The following FBXL20 variants were observed in gnomAD, a reference collection of about 807,000 sequenced individuals.
The protein encoded by FBXL20 is F-box and leucine rich repeat protein 20.
A neutral mutation model predicts 64.0 loss-of-function variants in FBXL20; 11 were observed. That is an observed-to-expected ratio of 0.17 (90% CI 0.11 to 0.28). The LOEUF (loss-of-function observed/expected upper bound fraction) is 0.28. FBXL20 is among the 10% of genes least tolerant of loss of function. The pLI is 1.00. For synonymous variants in FBXL20, 184 were observed against 189.0 expected (o/e 0.97, Z 0.22); for missense variants, 303 against 526.2 (o/e 0.58, Z 4.15).
intron 1 of FBXL20, among the ~76,000 whole-genome samples, chr17:39,363,422 G>A (rs1406532957): frequency 6.6e-6 from 1 of 152,088 alleles, no homozygotes; most frequent in African/African-American, 2.4e-5. Flanking sequence ...CTCCCAAAGT[G>A]CTAAGATTAC....
intron 1 of FBXL20, among the ~76,000 whole-genome samples, chr17:39,344,526 T>TG (rs2047613916): frequency 6.6e-6 from 1 of 151,874 alleles, no homozygotes; most frequent in Non-Finnish European, 1.5e-5. Context: ...TGGCTCACAC[T>TG]TGTAATCCCA....
In FBXL20 at chr17:39,401,580, G is replaced by A. The variant is rs906466655; in HGVS notation, c.-178C>T. On this transcript the variant is annotated 5_prime_UTR_variant, in exon 1 of 15. Transcript: ENST00000264658. Reference sequence around the variant, plus strand: ...CGGCTAGGCCTCCACCACCTCCCGCGGCGCCGGCGGCCGCAACGACTGCTC... The same window carrying A: ...CGGCTAGGCCTCCACCACCTCCCGCAGCGCCGGCGGCCGCAACGACTGCTC... The A allele has an allele frequency of 1.2e-5, 17 of 1,403,768 alleles. No individual in the cohort carries two copies. Among genetic ancestry groups the A allele is most frequent in the African/African-American group, 1.5e-5 (1 of 65,440 alleles). The allele number at this position is 1,403,768 out of a possible 1,614,324, so 87.0% of individuals were successfully genotyped here.
At chr17:39,383,810 G>C (rs1468508752) in intron 1 of FBXL20, among the ~76,000 whole-genome samples, 1 of 151,630 alleles carries the variant, frequency 6.6e-6, no homozygotes, top group Non-Finnish European at 1.5e-5. Flanking sequence ...GGCTGGTCTC[G>C]AACTCCTGAG....
At chr17:39,401,711 G>C, upstream of FBXL20, 1 of 1,132,884 alleles carries the variant, frequency 8.8e-7, no homozygotes, top group Non-Finnish European at 1.1e-6. Flanking sequence ...CCCGGGCCTC[G>C]GAGCGCCCGG....
At chr17:39,318,202 G>C (rs1015186897) in intron 2 of FBXL20, among the ~76,000 whole-genome samples, 1 of 152,116 alleles carries the variant, frequency 6.6e-6, no homozygotes, top group Non-Finnish European at 1.5e-5. Context: ...GTGTTCGTTG[G>C]AGTTAAGAAT....
intron 12 of FBXL20, among the ~76,000 whole-genome samples, chr17:39,265,825 C>T (rs1405349987): frequency 6.6e-6 from 1 of 151,984 alleles, no homozygotes; most frequent in Non-Finnish European, 1.5e-5. Flanking sequence ...TCATTGCAGC[C>T]TCAACCTCCC....
At chr17:39,340,914 G>A (rs1454832990) in intron 2 of FBXL20, among the ~76,000 whole-genome samples, 1 of 150,128 alleles carries the variant, frequency 6.7e-6, no homozygotes, top group East Asian at 1.9e-4. Flanking sequence ...ATTAAAATTT[G>A]TGCTGACCAA....
chr17:39,376,100 C>T (rs547197223), intron 1 of FBXL20, among the ~76,000 whole-genome samples: 1 of 152,004 alleles, frequency 6.6e-6, no homozygotes, highest in Non-Finnish European at 1.5e-5. Context: ...GCCTGGGCGA[C>T]AGTGTGAGAC....
chr17:39,293,133 T>A (rs574477557), intron 6 of FBXL20, among the ~76,000 whole-genome samples: 3 of 152,198 alleles, frequency 2.0e-5, no homozygotes, highest in African/African-American at 7.2e-5. Flanking sequence ...AGATATTCTG[T>A]ATGCCACATT....
chr17:39,386,878 T>C (rs1447071332), intron 1 of FBXL20, among the ~76,000 whole-genome samples: 3 of 152,204 alleles, frequency 2.0e-5, no homozygotes, highest in Non-Finnish European at 4.4e-5. Context: ...TTTGTTCTTA[T>C]GTTAACTCAC....
chr17:39,360,629 T>C (rs1221442207), intron 1 of FBXL20, among the ~76,000 whole-genome samples: 1 of 152,184 alleles, frequency 6.6e-6, no homozygotes, highest in Non-Finnish European at 1.5e-5. Flanking sequence ...ATGACTTTCA[T>C]GATCTTTTCA....
chr17:39,375,012 CTT>C (rs2144643122), intron 1 of FBXL20, among the ~76,000 whole-genome samples: 2 of 152,252 alleles, frequency 1.3e-5, no homozygotes, highest in South Asian at 4.1e-4. Context: ...GTCTCAATCT[CTT>C]GACCTCGTGA....
At chr17:39,340,073 G>A (rs938764478) in intron 2 of FBXL20, among the ~76,000 whole-genome samples, 4 of 152,140 alleles carry the variant, frequency 2.6e-5, no homozygotes, top group East Asian at 1.9e-4. Context: ...TGGGATGCCC[G>A]CTGCCACCAT....
At chr17:39,399,072 T>C (rs962361038) in intron 1 of FBXL20, among the ~76,000 whole-genome samples, 1 of 152,188 alleles carries the variant, frequency 6.6e-6, no homozygotes, top group African/African-American at 2.4e-5. Context: ...AAAGCATACC[T>C]ACAAAAGGAT....
At chr17:39,315,696 G>A (rs2047280792) in intron 2 of FBXL20, among the ~76,000 whole-genome samples, 1 of 151,976 alleles carries the variant, frequency 6.6e-6, no homozygotes, top group Non-Finnish European at 1.5e-5. Context: ...TCCACACAGA[G>A]GATAAACCTA....
chr17:39,393,319 TTAAA>T lies in FBXL20; in HGVS notation c.42+8038_42+8041del, dbSNP rs1388181578. 6.6e-5 allele frequency among the ~76,000 whole-genome samples: 10 copies of T among 151,826 alleles called. No homozygotes were observed. The East Asian group carries it at 7.7e-4, about 12-fold the overall frequency. ...AAAAAATAATAAATAATAATAATAATTAAATAAATAAATAAACTGAGAACGCTTC... is the reference window on the plus strand; with the variant it reads ...AAAAAATAATAAATAATAATAATAATTAAATAAATAAACTGAGAACGCTTC... On this transcript the variant is annotated intron_variant, in intron 1 of 14. Coordinates refer to ENST00000264658, the MANE Select transcript of FBXL20 (RefSeq NM_032875.3).
chr17:39,398,050 G>C lies in FBXL20; in HGVS notation c.42+3311C>G, dbSNP rs1405680726. Among the ~76,000 whole-genome samples the C allele has an allele frequency of 8.0e-5, 8 of 99,756 alleles. No individual in the cohort carries two copies. In the South Asian group the frequency reaches 1.8e-3, roughly 22 times the overall value. The allele number at this position is 99,756 out of a possible 152,430, so 65.4% of individuals were successfully genotyped here. A position where few individuals can be genotyped will look rare whatever the true frequency, so the allele number is the denominator to read the frequency against. ...TGGGAGGCCGGCGGGCGGGGGGGGGGGGGGGGTTGGATCACGAGGTCAGGA... is the reference window on the plus strand; with the variant it reads ...TGGGAGGCCGGCGGGCGGGGGGGGGCGGGGGGTTGGATCACGAGGTCAGGA... On this transcript the variant is annotated intron_variant, in intron 1 of 14. Transcript: ENST00000264658.
intron 6 of FBXL20, among the ~76,000 whole-genome samples, chr17:39,289,747 C>A (rs1426810362): frequency 6.6e-6 from 1 of 151,828 alleles, no homozygotes; most frequent in Non-Finnish European, 1.5e-5. Flanking sequence ...GTAATCCCAG[C>A]ACTTTGGGAG....
chr17:39,279,536 T>C (rs2046929856), intron 9 of FBXL20, among the ~76,000 whole-genome samples: 1 of 152,080 alleles, frequency 6.6e-6, no homozygotes, highest in Non-Finnish European at 1.5e-5. Context: ...CTTTTTTCTT[T>C]GCCATGAGCA....
Sources: gnomAD v4.1 joint callset for allele counts (sites outside exome capture counted in the v4.1 genomes callset) on GRCh38, gnomAD v4.1.1 for gene constraint, MANE v1.5 for transcripts, NCBI Gene and HGNC (gene_info 2026-07-23, HGNC 2026-07-21) for gene names.